The following ANKDD1A variants were observed in gnomAD, a reference collection of about 807,000 sequenced individuals.
ANKDD1A encodes ankyrin repeat and death domain-containing protein 1A.
A neutral mutation model predicts 63.5 loss-of-function variants in ANKDD1A; 59 were observed. The observed-to-expected ratio is 0.93, with a 90% CI of 0.75 to 1.15. The LOEUF is 1.15. Among genes scored for constraint, ANKDD1A ranks in the 50% most tolerant of loss-of-function variants. ANKDD1A has a pLI of 0.00. For missense variants in ANKDD1A, 632 were observed against 656.4 expected (o/e 0.96, Z 0.41); for synonymous variants, 266 against 263.9 (o/e 1.01, Z -0.08).
At chr15:64,952,264 C>T (rs983576270) in intron 14 of ANKDD1A, among the ~76,000 whole-genome samples, 1 of 148,372 alleles carries the variant, frequency 6.7e-6, no homozygotes, top group Non-Finnish European at 1.5e-5. Context: ...CTTCTTCCTT[C>T]TCCTTCTTTT....
chr15:64,952,337 C>T (rs1418199941), intron 14 of ANKDD1A, among the ~76,000 whole-genome samples: 18 of 141,534 alleles, frequency 1.3e-4, no homozygotes, highest in South Asian at 4.6e-4. Context: ...TCTTCCTTCT[C>T]CTTCTTCTTA....
chr15:64,921,397 C>T (rs1397801944), intron 3 of ANKDD1A, among the ~76,000 whole-genome samples: 1 of 152,064 alleles, frequency 6.6e-6, no homozygotes, highest in African/African-American at 2.4e-5. Flanking sequence ...TGTTTTGAGA[C>T]GAAGTCTCAC....
chr15:64,950,727 C>CGGGGGGGGG, intron 14 of ANKDD1A: 10 of 424,966 alleles, frequency 2.4e-5, no homozygotes, highest in East Asian at 3.9e-4. Context: ...AAAGAAAGGA[C>CGGGGGGGGG]CGCCCCCCCC....
rs192124424 is a variant in ANKDD1A at position 64,935,899 on chromosome 15, A to C, written c.867+1665A>C. On this transcript the variant is annotated intron_variant, in intron 9 of 14. Coordinates refer to ENST00000319580, the MANE Select transcript of ANKDD1A (RefSeq NM_182703.6). ...ATGGTGACTATCTTTCTAGAAGGCA[A>C]GTTGACAATAACTATCAAGCTGAAT... Among the ~76,000 whole-genome samples the C allele has an allele frequency of 9.8e-5, 15 of 152,292 alleles. No homozygotes were observed. In the East Asian group the frequency reaches 1.9e-3, roughly 20 times the overall value.
At chr15:64,917,549 TG>T (rs1175226896) in intron 3 of ANKDD1A, 35 bp downstream of exon 3, 1 of 1,522,812 alleles carries the variant, frequency 6.6e-7, no homozygotes, top group Non-Finnish European at 8.8e-7. Context: ...CTCAGGGTGG[TG>T]GGGGGCACTG....
At position 64,930,855 on chromosome 15, in the gene ANKDD1A, C is replaced by G; in HGVS notation, c.604C>G (p.Arg202Gly). The change falls in exon 7 of 15, where the codon CGG becomes GGG. Residue 202 changes from arginine (R) to glycine (G), a missense_variant. Coordinates refer to ENST00000319580, the MANE Select transcript of ANKDD1A (RefSeq NM_182703.6). The part of the protein sequence containing the change: ...GNTALHLAAG[R>G]GHMAVLQRLV... The stretch of plus-strand genomic sequence containing the variant: ...CACTGCCCTTCATCTGGCTGCTGGT[C>G]GGGGCCATATGGCTGTGCTGCAGCG... 1 of 1,613,066 alleles carries G rather than the reference C, an allele frequency of 6.2e-7. No individual in the cohort carries two copies. The highest frequency in any genetic ancestry group is 8.5e-7 in the Non-Finnish European group (1 of 1,179,972).
At chr15:64,952,536 CTCCTTCTCCTCCTCCT>C (rs1270223943) in intron 14 of ANKDD1A, among the ~76,000 whole-genome samples, 1 of 67,706 alleles carries the variant, frequency 1.5e-5, no homozygotes, top group African/African-American at 5.4e-5. Flanking sequence ...TCGTCTTCTT[CTCCTTCTCCTCCTCCT>C]TCCTTCTCCT....
Position 64,915,835 on chromosome 15 carries a change from C to A in ANKDD1A, c.73C>A (p.Gln25Lys). Residue 25 changes from glutamine (Q) to lysine (K), a missense_variant, in exon 2 of 15, where the codon CAG becomes AAG. Gln to Lys is a moderately conservative substitution (Grantham distance 53, BLOSUM62 1). Coordinates refer to ENST00000319580, the MANE Select transcript of ANKDD1A (RefSeq NM_182703.6). ...LERQLHEAAR[Q>K]NNVGRMQELI... ...GAGGCAGCTCCACGAGGCCGCCCGCCAGAACAATGTCGGCAGGATGCAGGA... is the reference window on the plus strand; with the variant it reads ...GAGGCAGCTCCACGAGGCCGCCCGCAAGAACAATGTCGGCAGGATGCAGGA... 6.2e-7 allele frequency: 1 copy of A among 1,614,066 alleles called. No individual in the cohort carries two copies. The highest frequency in any genetic ancestry group is 1.1e-5 in the South Asian group (1 of 91,080).
chr15:64,941,148 A>G (rs1478574290), intron 9 of ANKDD1A, among the ~76,000 whole-genome samples: 1 of 152,064 alleles, frequency 6.6e-6, no homozygotes, highest in African/African-American at 2.4e-5. Context: ...GTTAGTTTAT[A>G]TTTTTTGGCT....
At chr15:64,920,825 C>T (rs2085002385) in intron 3 of ANKDD1A, among the ~76,000 whole-genome samples, 1 of 151,546 alleles carries the variant, frequency 6.6e-6, no homozygotes, top group South Asian at 2.1e-4. Context: ...GTTGAGATTA[C>T]AGGCATGAGC....
intron 1 of ANKDD1A, among the ~76,000 whole-genome samples, chr15:64,915,556 A>G (rs2084962574): frequency 6.6e-6 from 1 of 152,090 alleles, no homozygotes; most frequent in South Asian, 2.1e-4. Context: ...CTGCTCTTCC[A>G]TCTTCAGGGT....
At chr15:64,934,108 T>C in intron 8 of ANKDD1A, 28 bp from the exon 9 acceptor site, 1 of 1,585,756 alleles carries the variant, frequency 6.3e-7, no homozygotes, top group Non-Finnish European at 8.6e-7. Context: ...GTCCTTGTGA[T>C]AACGCATTGA....
chr15:64,920,377 A>G (rs1179506562), intron 3 of ANKDD1A, among the ~76,000 whole-genome samples: 5 of 152,094 alleles, frequency 3.3e-5, no homozygotes, highest in Non-Finnish European at 4.4e-5. Flanking sequence ...AGGCATAGAC[A>G]TATTTTCAGT....
At chr15:64,940,221 A>C (rs1052355040) in intron 9 of ANKDD1A, among the ~76,000 whole-genome samples, 1 of 152,168 alleles carries the variant, frequency 6.6e-6, no homozygotes, top group African/African-American at 2.4e-5. Flanking sequence ...TAAGCACATG[A>C]AAACATGTTT....
intron 9 of ANKDD1A, among the ~76,000 whole-genome samples, chr15:64,938,023 AAT>A (rs2085149228): frequency 6.6e-6 from 1 of 152,236 alleles, no homozygotes; most frequent in Admixed American, 6.5e-5. Context: ...GAGAGCTCCC[AAT>A]GGTCAACTCT....
intron 14 of ANKDD1A, among the ~76,000 whole-genome samples, chr15:64,951,916 GTTCT>G (rs2085291838): frequency 9.3e-6 from 1 of 107,892 alleles, no homozygotes; most frequent in Admixed American, 9.6e-5. Context: ...TCGTCCTCTT[GTTCT>G]TTCCTCTTCT....
chr15:64,934,594 G>A (rs2085113554), intron 9 of ANKDD1A, among the ~76,000 whole-genome samples: 1 of 148,070 alleles, frequency 6.8e-6, no homozygotes, highest in African/African-American at 2.5e-5. Context: ...CTGCCTCCCA[G>A]GTTCAAGCAA....
At position 64,947,441 on chromosome 15, in the gene ANKDD1A, T is replaced by C. The variant is rs1566914206; in HGVS notation, c.1199T>C (p.Phe400Ser). The change falls in exon 13 of 15, where the codon TTT becomes TCT. Residue 400 changes from phenylalanine (F) to serine (S), a missense_variant. Transcript: ENST00000319580. The stretch of plus-strand genomic sequence containing the variant: ...GATCCCTCTGGGAAGAGCTTGTCCT[T>C]TAAGCAGGACCATCGGCAGGAAACA... ...PSDPSGKSLSFKQDHRQETQQ... is the reference protein window; with the variant it reads ...PSDPSGKSLSSKQDHRQETQQ... 1 of 1,614,082 alleles carries C rather than the reference T, an allele frequency of 6.2e-7. No homozygotes were observed.
intron 4 of ANKDD1A, among the ~76,000 whole-genome samples, chr15:64,925,380 C>T (rs1474047086): frequency 1.3e-5 from 2 of 152,062 alleles, no homozygotes; most frequent in African/African-American, 2.4e-5. Flanking sequence ...GACCTTAATA[C>T]AAGGCAGGAG....
Sources: allele counts gnomAD v4.1 joint callset (sites outside exome capture counted in the v4.1 genomes callset), GRCh38; gene constraint gnomAD v4.1.1; transcripts MANE v1.5; gene names NCBI Gene and HGNC (gene_info 2026-07-23, HGNC 2026-07-21).